ARHGAP24: variants seen among roughly 807,000 people sequenced by gnomAD.
The protein encoded by ARHGAP24 is Rho GTPase activating protein 24, also known as rho GTPase-activating protein 24.
In ARHGAP24, 50 loss-of-function variants were observed where a neutral mutation model predicts 76.4. That is an observed-to-expected ratio of 0.65 (90% CI 0.52 to 0.83). The LOEUF is 0.83. Ranked by LOEUF, ARHGAP24 falls within the 40% of genes least tolerant of loss-of-function variation. The probability of loss-of-function intolerance (pLI) is 0.00; values close to 1 mark genes in which losing one functional copy is unlikely to be tolerated. For synonymous variants in ARHGAP24, 345 were observed against 323.3 expected (o/e 1.07, Z -0.72); for missense variants, 930 against 914.2 (o/e 1.02, Z -0.22).
chr4:85,709,588 A>G (rs1447255764), intron 2 of ARHGAP24, among the ~76,000 whole-genome samples: 1 of 152,106 alleles, frequency 6.6e-6, no homozygotes, highest in Non-Finnish European at 1.5e-5. Flanking sequence ...AATATTTACT[A>G]TCATCACTTC....
intron 2 of ARHGAP24, among the ~76,000 whole-genome samples, chr4:85,716,446 A>G (rs1724736078): frequency 6.6e-6 from 1 of 152,150 alleles, no homozygotes; most frequent in Admixed American, 6.6e-5. Flanking sequence ...GTATAATCCC[A>G]TTTTGAATGT....
At chr4:85,725,464 A>G (rs1725134781) in intron 3 of ARHGAP24, among the ~76,000 whole-genome samples, 1 of 152,164 alleles carries the variant, frequency 6.6e-6, no homozygotes, top group Non-Finnish European at 1.5e-5. Flanking sequence ...AGTGAAGAGA[A>G]ACTCCTTACA....
At chr4:85,585,519 T>G (rs1391307136) in intron 2 of ARHGAP24, among the ~76,000 whole-genome samples, 1 of 152,242 alleles carries the variant, frequency 6.6e-6, no homozygotes, top group Non-Finnish European at 1.5e-5. Context: ...CTTAACTCTA[T>G]TTCCATTTAA....
intron 1 of ARHGAP24, among the ~76,000 whole-genome samples, chr4:85,482,803 CT>C (rs2110087931): frequency 6.6e-6 from 1 of 152,248 alleles, no homozygotes; most frequent in African/African-American, 2.4e-5. Flanking sequence ...CTATCTCTCT[CT>C]TATAGATGGA....
At chr4:85,924,272 A>G (rs1735895661) in intron 4 of ARHGAP24, among the ~76,000 whole-genome samples, 1 of 152,170 alleles carries the variant, frequency 6.6e-6, no homozygotes, top group Non-Finnish European at 1.5e-5. Context: ...GTAAGTTTTT[A>G]AAAGGTTTTA....
chr4:85,708,934 T>C (rs1414938386), intron 2 of ARHGAP24, among the ~76,000 whole-genome samples: 5 of 152,218 alleles, frequency 3.3e-5, no homozygotes, highest in African/African-American at 1.2e-4. Context: ...GTTATCTCTA[T>C]GTTCGTTTAA....
At chr4:85,825,218 A>T (rs574730788) in intron 3 of ARHGAP24, among the ~76,000 whole-genome samples, 1 of 152,236 alleles carries the variant, frequency 6.6e-6, no homozygotes, top group Non-Finnish European at 1.5e-5. Flanking sequence ...TTCAATTGAG[A>T]TATCTGAATA....
intron 1 of ARHGAP24, among the ~76,000 whole-genome samples, chr4:85,538,294 A>C (rs1399371811): frequency 6.6e-6 from 1 of 151,996 alleles, no homozygotes. Context: ...CCTATAAAAG[A>C]CTCTTAAATG....
At chr4:85,979,554 G>T (rs1739531885) in intron 8 of ARHGAP24, among the ~76,000 whole-genome samples, 1 of 151,994 alleles carries the variant, frequency 6.6e-6, no homozygotes, top group Non-Finnish European at 1.5e-5. Context: ...GTCTACTCTA[G>T]GTACCTCATA....
chr4:85,683,107 T>TGGGGGGG (rs1310671945), intron 2 of ARHGAP24, among the ~76,000 whole-genome samples: 38 of 12,812 alleles, frequency 3.0e-3, no homozygotes, highest in South Asian at 9.3e-3. Context: ...TCTCTCAGTG[T>TGGGGGGG]GTGGGGGGGT....
At chr4:85,958,889 G>A (rs1738077058) in intron 5 of ARHGAP24, among the ~76,000 whole-genome samples, 1 of 151,924 alleles carries the variant, frequency 6.6e-6, no homozygotes, top group Non-Finnish European at 1.5e-5. Flanking sequence ...TTCCTTTTCT[G>A]GAAATTCTTA....
chr4:85,852,128 C>T (rs764697032), intron 3 of ARHGAP24, among the ~76,000 whole-genome samples: 69 of 152,206 alleles, frequency 4.5e-4, no homozygotes, highest in Non-Finnish European at 2.6e-4. Context: ...TTCCATACTT[C>T]TTGGAGGCTT....
chr4:85,886,602 T>C lies in ARHGAP24; in HGVS notation c.269-37046T>C, dbSNP rs143589167. Reference sequence around the variant, plus strand: ...AGTCATTTAGTGTTTATTTTCTAAATGGCACTTTAAAACCGATACATATCC... The same window carrying C: ...AGTCATTTAGTGTTTATTTTCTAAACGGCACTTTAAAACCGATACATATCC... On this transcript the variant is annotated intron_variant, in intron 3 of 9. Coordinates refer to ENST00000395184, the MANE Select transcript of ARHGAP24 (RefSeq NM_001025616.3). 1.5e-4 allele frequency among the ~76,000 whole-genome samples: 23 copies of C among 152,298 alleles called. 1 individual carries two copies. The East Asian group carries it at 4.1e-3, about 27-fold the overall frequency.
In ARHGAP24 at chr4:85,899,216, G is replaced by A. The variant is rs543469707; in HGVS notation, c.269-24432G>A. On this transcript the variant is annotated intron_variant, in intron 3 of 9. Coordinates refer to ENST00000395184, the MANE Select transcript of ARHGAP24 (RefSeq NM_001025616.3). ...TGTATTTTGTAAAGAAAAAATATTT[G>A]AAGGGAATAAAAGGATCTACATTAG... Among the ~76,000 whole-genome samples, 8 of 152,262 alleles carry A rather than the reference G, an allele frequency of 5.3e-5. No homozygotes were observed. In the East Asian group the frequency reaches 1.5e-3, roughly 29 times the overall value.
rs551888149 is a variant in ARHGAP24, at chr4:85,556,725, A to T, written c.-20-13797A>T. 2.6e-5 allele frequency among the ~76,000 whole-genome samples: 4 copies of T among 152,254 alleles called. No individual in the cohort carries two copies. The South Asian group carries it at 8.3e-4, about 32-fold the overall frequency. ...AAAACAGTCTGGCTGCTTTTCTGTA[A>T]GGTGGCTGCACTGTGCTGGGCATCT... On this transcript the variant is annotated intron_variant, in intron 1 of 9. Coordinates refer to ENST00000395184, the MANE Select transcript of ARHGAP24 (RefSeq NM_001025616.3).
At chr4:85,962,209 A>C (rs1486623121) in intron 5 of ARHGAP24, among the ~76,000 whole-genome samples, 2 of 152,118 alleles carry the variant, frequency 1.3e-5, no homozygotes, top group Non-Finnish European at 2.9e-5. Flanking sequence ...GAAAGACATG[A>C]AAATTGGAAC....
intron 5 of ARHGAP24, among the ~76,000 whole-genome samples, chr4:85,969,833 G>A (rs1294499554): frequency 2.6e-5 from 4 of 152,106 alleles, no homozygotes; most frequent in Non-Finnish European, 5.9e-5. Flanking sequence ...TTTAGTTTTA[G>A]GAATTAATGA....
intron 3 of ARHGAP24, 121 bp from the exon 4 acceptor site, chr4:85,923,527 T>C (rs560875749): frequency 2.1e-5 from 29 of 1,365,298 alleles, no homozygotes; most frequent in Non-Finnish European, 2.5e-5. Flanking sequence ...TATTTCATCA[T>C]TGGGTAGAAC....
intron 3 of ARHGAP24, among the ~76,000 whole-genome samples, chr4:85,772,275 C>T (rs1490625664): frequency 6.6e-6 from 1 of 152,114 alleles, no homozygotes. Flanking sequence ...TGGATTTTAT[C>T]TCCAATCTAA....
Sources: allele counts gnomAD v4.1 joint callset (sites outside exome capture counted in the v4.1 genomes callset), GRCh38; gene constraint gnomAD v4.1.1; transcripts MANE v1.5; gene names NCBI Gene and HGNC (gene_info 2026-07-23, HGNC 2026-07-21).